Variants in PHF21A observed in about 807,000 individuals in gnomAD.
The protein encoded by PHF21A is BHC80a.
PHF21A carries 11 observed loss-of-function variants against 82.5 expected under a neutral mutation model. That is an observed-to-expected ratio of 0.13 (90% CI 0.08 to 0.22). The LOEUF is 0.22. PHF21A is among the 10% of genes least tolerant of loss of function. The pLI is 1.00. For synonymous variants in PHF21A, 297 were observed against 302.8 expected (o/e 0.98, Z 0.20); for missense variants, 579 against 837.8 (o/e 0.69, Z 3.81).
At chr11:46,117,883 C>T (rs1214001656) in intron 1 of PHF21A, 1 of 152,178 alleles carries the variant, frequency 6.6e-6, no homozygotes, top group African/African-American at 2.4e-5. Context: ...TTTCAAGTAG[C>T]AAACATTATT....
Position 45,971,285 on chromosome 11 carries a change from G to C in PHF21A, c.443C>G (p.Ser148Cys). Residue 148 changes from serine (S) to cysteine (C), a missense_variant, in exon 8 of 19, where the codon TCT (serine) becomes TGT (cysteine). This residue lies in a region of PHF21A where 410 missense variants were observed against 642.1 expected (regional missense o/e 0.64). Transcript: ENST00000676320. ...AATGGTAGGTCTCTGGCCCACCACA[G>C]AGGCAGGCATGGTCGCAGTTGCTGC... ...LKAATATMPASVVGQRPTIAM... is the reference protein window; with the variant it reads ...LKAATATMPACVVGQRPTIAM... 1 of 1,614,208 alleles carries C rather than the reference G, an allele frequency of 6.2e-7. No individual in the cohort carries two copies. Among genetic ancestry groups the C allele is most frequent in the Non-Finnish European group, 8.5e-7 (1 of 1,180,042 alleles).
intron 6 of PHF21A, among the ~76,000 whole-genome samples, chr11:45,983,954 C>T (rs183277474): frequency 5.3e-5 from 8 of 152,226 alleles, no homozygotes; most frequent in Non-Finnish European, 1.0e-4. Flanking sequence ...TAAATGAAGA[C>T]GTCATGACTG....
intron 14 of PHF21A, among the ~76,000 whole-genome samples, chr11:45,947,976 G>A (rs1488138924): frequency 6.6e-6 from 1 of 152,166 alleles, no homozygotes; most frequent in Non-Finnish European, 1.5e-5. Flanking sequence ...GTGTAGTCCT[G>A]CCTAAGGCAG....
chr11:46,060,162 T>C (rs2096516299), intron 6 of PHF21A, among the ~76,000 whole-genome samples: 1 of 152,180 alleles, frequency 6.6e-6, no homozygotes. Context: ...CAAATAAACA[T>C]GCATGACTTT....
intron 6 of PHF21A, among the ~76,000 whole-genome samples, chr11:45,984,587 T>G (rs550281104): frequency 6.6e-6 from 1 of 152,306 alleles, no homozygotes; most frequent in African/African-American, 2.4e-5. Flanking sequence ...GAAAATCAGG[T>G]TCGTTTTTCC....
chr11:45,946,630 C>T (rs2091339277), intron 14 of PHF21A, among the ~76,000 whole-genome samples: 2 of 152,190 alleles, frequency 1.3e-5, no homozygotes, highest in Admixed American at 6.5e-5. Context: ...CCATCTTGGC[C>T]TCCCAAAGTG....
chr11:46,050,290 G>T (rs2096334280), intron 6 of PHF21A, among the ~76,000 whole-genome samples: 1 of 152,258 alleles, frequency 6.6e-6, no homozygotes, highest in African/African-American at 2.4e-5. Context: ...CACGGCAGGA[G>T]AAAGGCATAG....
intron 6 of PHF21A, among the ~76,000 whole-genome samples, chr11:46,003,903 C>T (rs2095223544): frequency 6.6e-6 from 1 of 152,132 alleles, no homozygotes; most frequent in African/African-American, 2.4e-5. Flanking sequence ...GAAAGGTTCC[C>T]TATTTCAGAA....
At chr11:45,948,538 G>C (rs969340386) in intron 14 of PHF21A, among the ~76,000 whole-genome samples, 2 of 152,232 alleles carry the variant, frequency 1.3e-5, no homozygotes, top group African/African-American at 4.8e-5. Flanking sequence ...GGCAATGGCA[G>C]TGCTCTGTTC....
At chr11:46,042,923 A>C (rs188092989) in intron 6 of PHF21A, among the ~76,000 whole-genome samples, 1 of 152,174 alleles carries the variant, frequency 6.6e-6, no homozygotes, top group East Asian at 1.9e-4. Context: ...GTTATTTATA[A>C]ATGATCCAGT....
At chr11:46,028,571 CTTTTT>C (rs869035139) in intron 6 of PHF21A, among the ~76,000 whole-genome samples, 27 of 106,294 alleles carry the variant, frequency 2.5e-4, no homozygotes, top group African/African-American at 7.6e-4. Flanking sequence ...AAAAGCTTGC[CTTTTT>C]TTTTTTTTTT....
intron 6 of PHF21A, among the ~76,000 whole-genome samples, chr11:46,006,306 T>A (rs1190681106): frequency 6.6e-6 from 1 of 152,216 alleles, no homozygotes; most frequent in Non-Finnish European, 1.5e-5. Flanking sequence ...CAAAAAACCA[T>A]GAGAAATCAG....
intron 6 of PHF21A, among the ~76,000 whole-genome samples, chr11:45,987,899 T>G (rs2094552157): frequency 1.3e-5 from 2 of 152,302 alleles, no homozygotes; most frequent in South Asian, 4.1e-4. Context: ...AGAATTGTCT[T>G]GGACACTACA....
chr11:45,934,287 C>T (rs2088234442), intron 18 of PHF21A, 62 bp from the exon 19 acceptor site: 6 of 1,533,400 alleles, frequency 3.9e-6, no homozygotes, highest in Non-Finnish European at 5.3e-6. Context: ...CCTGGCAGCC[C>T]CTAAGAGCAG....
chr11:45,961,867 G>A (rs536284187), intron 10 of PHF21A, among the ~76,000 whole-genome samples: 57 of 152,314 alleles, frequency 3.7e-4, no homozygotes, highest in African/African-American at 1.2e-3. Context: ...TCTAAAACGA[G>A]TCTTCAGCTT....
intron 6 of PHF21A, among the ~76,000 whole-genome samples, chr11:46,021,637 G>A (rs922052238): frequency 6.8e-6 from 1 of 146,802 alleles, no homozygotes; most frequent in Non-Finnish European, 1.5e-5. Flanking sequence ...GAACTCTTGG[G>A]CTCAAGCGAT....
chr11:45,957,262 A>T (rs1388312081), intron 10 of PHF21A, among the ~76,000 whole-genome samples: 1 of 152,210 alleles, frequency 6.6e-6, no homozygotes, highest in African/African-American at 2.4e-5. Flanking sequence ...AGGGAACTTG[A>T]ACAACACTAT....
At chr11:46,082,420 C>T (rs931793065) in intron 4 of PHF21A, among the ~76,000 whole-genome samples, 2 of 152,136 alleles carry the variant, frequency 1.3e-5, no homozygotes, top group African/African-American at 4.8e-5. Context: ...GTGTAGGTGA[C>T]ACCATATAAA....
rs983234654 is a variant in PHF21A at position 45,933,847 on chromosome 11, T to C, written c.*121A>G. On this transcript the variant is annotated 3_prime_UTR_variant, in exon 19 of 19. Transcript: ENST00000676320. ...CTGGCACAAGCATCTTCTCTCTCTCTGGAACCAAAGAACCAAAAGAATTCT... is the reference window on the plus strand; with the variant it reads ...CTGGCACAAGCATCTTCTCTCTCTCCGGAACCAAAGAACCAAAAGAATTCT... 15 of 999,890 alleles carry C rather than the reference T, an allele frequency of 1.5e-5. No homozygotes were observed. Among genetic ancestry groups the C allele is most frequent in the Admixed American group, 3.0e-5 (1 of 33,842 alleles). 61.9% of individuals were successfully genotyped at this position (999,890 alleles called of 1,614,324 possible). A position where few individuals can be genotyped will look rare whatever the true frequency, so the allele number is the denominator to read the frequency against.
Sources: gnomAD v4.1 joint callset for allele counts (sites outside exome capture counted in the v4.1 genomes callset) on GRCh38, gnomAD v4.1.1 for gene constraint, gnomAD v4.1.1 regional missense constraint, MANE v1.5 for transcripts, NCBI Gene and HGNC (gene_info 2026-07-23, HGNC 2026-07-21) for gene names.